Variants in TRPM3 observed in about 807,000 individuals in gnomAD.
TRPM3 encodes long transient receptor potential channel 3.
Under a neutral mutation model 181.2 loss-of-function variants are expected in TRPM3, and 77 were observed. That is an observed-to-expected ratio of 0.42 (90% confidence interval 0.35 to 0.51). The LOEUF (loss-of-function observed/expected upper bound fraction) is 0.51. Among genes scored for constraint, TRPM3 ranks in the 20% least tolerant of loss-of-function variants. The pLI is 0.01. For missense variants in TRPM3, 1,759 were observed against 2,196.7 expected (o/e 0.80, Z 3.98); for synonymous variants, 745 against 796.4 (o/e 0.94, Z 1.09).
At chr9:71,169,861 C>T (rs2076754905) in intron 1 of TRPM3, among the ~76,000 whole-genome samples, 1 of 150,682 alleles carries the variant, frequency 6.6e-6, no homozygotes, top group African/African-American at 2.4e-5. Flanking sequence ...ATTAGCCGGG[C>T]ATGGTGGTGT....
chr9:70,967,805 C>T (rs1156869589), intron 1 of TRPM3, among the ~76,000 whole-genome samples: 1 of 151,960 alleles, frequency 6.6e-6, no homozygotes, highest in African/African-American at 2.4e-5. Flanking sequence ...GAAAATTTAC[C>T]TTATCATAAA....
At chr9:70,679,365 T>C (rs2064853498) in intron 9 of TRPM3, among the ~76,000 whole-genome samples, 1 of 152,238 alleles carries the variant, frequency 6.6e-6, no homozygotes, top group South Asian at 2.1e-4. Context: ...ATGCAATGAA[T>C]AAATTCTAAG....
At chr9:71,069,422 C>A (rs2062396571) in intron 1 of TRPM3, among the ~76,000 whole-genome samples, 1 of 152,202 alleles carries the variant, frequency 6.6e-6, no homozygotes, top group African/African-American at 2.4e-5. Flanking sequence ...CATGATCCGC[C>A]TGCCTTGGCC....
intron 1 of TRPM3, among the ~76,000 whole-genome samples, chr9:70,885,866 G>C (rs1477115459): frequency 6.6e-6 from 1 of 151,868 alleles, no homozygotes; most frequent in Non-Finnish European, 1.5e-5. Context: ...CCCTATTTCT[G>C]CCCAAGTCTC....
At chr9:71,420,989 G>GAGAGAAAA (rs1554658569) in intron 1 of TRPM3, among the ~76,000 whole-genome samples, 2,347 of 101,806 alleles carry the variant, frequency 0.023, 77 homozygotes, top group East Asian at 0.058. Flanking sequence ...GAGAGAAAAA[G>GAGAGAAAA]AGAGAGAAAA....
intron 1 of TRPM3, among the ~76,000 whole-genome samples, chr9:71,043,011 A>T (rs1472799406): frequency 6.6e-6 from 1 of 152,244 alleles, no homozygotes; most frequent in African/African-American, 2.4e-5. Context: ...ACACATGAGC[A>T]TGACTGCATT....
At chr9:70,666,942 A>G (rs2061927861) in intron 9 of TRPM3, among the ~76,000 whole-genome samples, 1 of 152,148 alleles carries the variant, frequency 6.6e-6, no homozygotes, top group African/African-American at 2.4e-5. Flanking sequence ...TTAATCCCCC[A>G]AAACTCTTTC....
At chr9:71,067,626 G>A (rs2062102588) in intron 1 of TRPM3, among the ~76,000 whole-genome samples, 2 of 152,180 alleles carry the variant, frequency 1.3e-5, no homozygotes, top group East Asian at 1.9e-4. Flanking sequence ...ACTTTCTGGG[G>A]AAATTAGGAA....
intron 1 of TRPM3, among the ~76,000 whole-genome samples, chr9:71,109,743 C>A (rs938681452): frequency 3.9e-5 from 6 of 151,986 alleles, no homozygotes; most frequent in Non-Finnish European, 2.9e-5. Flanking sequence ...GGGGCAAATA[C>A]AAGATGCAGA....
Position 70,537,196 on chromosome 9 carries a change from T to C in TRPM3, c.3917A>G (p.Tyr1306Cys). Reference sequence around the variant, plus strand: ...GTTGAAGCTGCTCTGACGGACAATGTAGGCGGCGTCCGTGCAGTCTGACGA... The same window carrying C: ...GTTGAAGCTGCTCTGACGGACAATGCAGGCGGCGTCCGTGCAGTCTGACGA... ...RTSSDCTDAAYIVRQSSFNSQ... is the reference protein window; with the variant it reads ...RTSSDCTDAACIVRQSSFNSQ... The change falls in exon 26 of 26, where the codon TAC (tyrosine) becomes TGC (cysteine). Residue 1306 changes from tyrosine to cysteine, a missense_variant. This residue lies in a region of TRPM3 where 612 missense variants were observed against 590.0 expected (regional missense o/e 1.04). Coordinates refer to ENST00000677713, the MANE Select transcript of TRPM3 (RefSeq NM_001366145.2). 1 of 1,594,846 alleles carries C rather than the reference T, an allele frequency of 6.3e-7. No homozygotes were observed. Among genetic ancestry groups the C allele is most frequent in the Non-Finnish European group, 8.6e-7 (1 of 1,166,078 alleles).
chr9:71,121,846 G>A (rs140102842), upstream of TRPM3, among the ~76,000 whole-genome samples: 7 of 152,332 alleles, frequency 4.6e-5, no homozygotes, highest in African/African-American at 1.4e-4. Context: ...GAGAAGGGGT[G>A]CCTCCGAATG....
Position 70,610,633 on chromosome 9 carries a change from G to A in TRPM3, c.2643C>T (p.Pro881=), listed in dbSNP as rs778920823. 4 of 1,614,014 alleles carry A rather than the reference G, an allele frequency of 2.5e-6. No homozygotes were observed. The highest frequency in any genetic ancestry group is 3.4e-6 in the Non-Finnish European group (4 of 1,179,946). Residue 881 remains proline, a synonymous_variant, in exon 19 of 26, where the codon CCC becomes CCT. Coordinates refer to ENST00000677713, the MANE Select transcript of TRPM3 (RefSeq NM_001366145.2). The part of the protein sequence containing the change: ...GRKIYEFYNA[P]IVKFWFYTLA... ...CTGTGTAGAACCAGAACTTCACGAT[G>A]GGTGCATTGTAGAATTCATAGATTT...
intron 1 of TRPM3, among the ~76,000 whole-genome samples, chr9:71,270,642 T>C (rs555257811): frequency 1.3e-5 from 2 of 152,280 alleles, no homozygotes; most frequent in African/African-American, 4.8e-5. Flanking sequence ...TCCCTTCCTG[T>C]GGTAGGAAGA....
intron 1 of TRPM3, among the ~76,000 whole-genome samples, chr9:71,434,111 A>G (rs1210203280): frequency 2.0e-5 from 3 of 152,190 alleles, no homozygotes; most frequent in African/African-American, 7.2e-5. Context: ...GTGAGCCGAG[A>G]TCATTCCATT....
At chr9:70,999,375 A>T (rs2097575753) in intron 1 of TRPM3, among the ~76,000 whole-genome samples, 1 of 152,186 alleles carries the variant, frequency 6.6e-6, no homozygotes, top group Non-Finnish European at 1.5e-5. Flanking sequence ...TCATTCTTAG[A>T]ATTTACTAGG....
chr9:71,355,069 AAATGGGAACAT>A (rs1419646704), intron 1 of TRPM3, among the ~76,000 whole-genome samples: 1 of 152,226 alleles, frequency 6.6e-6, no homozygotes, highest in Non-Finnish European at 1.5e-5. Context: ...TTCAAATGTT[AAATGGGAACAT>A]AATTAGCCAC....
At chr9:71,196,695 G>C (rs1364912125) in intron 1 of TRPM3, among the ~76,000 whole-genome samples, 1 of 151,868 alleles carries the variant, frequency 6.6e-6, no homozygotes, top group Admixed American at 6.6e-5. Context: ...TAATAACAGG[G>C]AACTTCTTTT....
At chr9:71,364,614 A>C (rs1281557917) in intron 1 of TRPM3, among the ~76,000 whole-genome samples, 1 of 152,258 alleles carries the variant, frequency 6.6e-6, no homozygotes, top group Non-Finnish European at 1.5e-5. Flanking sequence ...AACTGGGACA[A>C]GGAAGTGATT....
At chr9:70,748,487 A>C (rs538251799) in intron 8 of TRPM3, among the ~76,000 whole-genome samples, 48 of 152,268 alleles carry the variant, frequency 3.2e-4, no homozygotes, top group Non-Finnish European at 6.2e-4. Context: ...TAGGATTTGA[A>C]TATTTGTGTC....
Sources: allele counts gnomAD v4.1 joint callset (sites outside exome capture counted in the v4.1 genomes callset), GRCh38; gene constraint gnomAD v4.1.1; regional missense constraint gnomAD v4.1.1; transcripts MANE v1.5; gene names NCBI Gene and HGNC (gene_info 2026-07-23, HGNC 2026-07-21).